Variants in SLC24A4 observed in about 807,000 individuals in gnomAD.
The protein encoded by SLC24A4 is solute carrier family 24 member 4.
Under a neutral mutation model 79.0 loss-of-function variants are expected in SLC24A4, and 53 were observed. The ratio of observed to expected loss-of-function variants is 0.67; its 90% confidence interval spans 0.54 to 0.84. The LOEUF (loss-of-function observed/expected upper bound fraction) is 0.84, where lower values mean the gene tolerates loss of function less well. Ranked by LOEUF, SLC24A4 falls within the 40% of genes least tolerant of loss-of-function variation. SLC24A4 has a pLI of 0.00. For synonymous variants in SLC24A4, 323 were observed against 323.8 expected, an observed-to-expected ratio of 1.00 and a Z score of 0.03; for missense variants, 731 against 822.0, an observed-to-expected ratio of 0.89 and a Z score of 1.35.
At chr14:92,481,683 C>G (rs1018461954) in intron 12 of SLC24A4, among the ~76,000 whole-genome samples, 8 of 152,200 alleles carry the variant, frequency 5.3e-5, no homozygotes, top group Non-Finnish European at 8.8e-5. Context: ...GTTCACTGTT[C>G]TTACTAAGGT....
intron 2 of SLC24A4, among the ~76,000 whole-genome samples, chr14:92,382,611 G>A (rs183615201): frequency 2.0e-5 from 3 of 152,304 alleles, no homozygotes; most frequent in East Asian, 1.9e-4. Flanking sequence ...AAGCAGAAGC[G>A]AAAGGAAGAA....
intron 12 of SLC24A4, among the ~76,000 whole-genome samples, chr14:92,465,742 C>A (rs762846278): frequency 3.4e-5 from 5 of 145,950 alleles, no homozygotes; most frequent in Non-Finnish European, 6.0e-5. Flanking sequence ...CCTAGGAAGG[C>A]CCCCTCCCGA....
In SLC24A4 at chr14:92,351,718, C is replaced by T. The variant is rs531209153; in HGVS notation, c.241+25740C>T. ...CTAAAAATACTGAAAAAAAAAATTA[C>T]CCAGGTGTGATGGCGCCCACCTGTA... On this transcript the variant is annotated intron_variant, in intron 2 of 16. Transcript: ENST00000532405. 9.9e-5 allele frequency among the ~76,000 whole-genome samples: 15 copies of T among 151,816 alleles called. No individual in the cohort carries two copies. The South Asian group carries it at 3.1e-3, about 32-fold the overall frequency.
At chr14:92,401,972 A>G (rs917678850) in intron 2 of SLC24A4, among the ~76,000 whole-genome samples, 2 of 152,162 alleles carry the variant, frequency 1.3e-5, no homozygotes, top group Non-Finnish European at 2.9e-5. Flanking sequence ...AAGAAATACG[A>G]GACAAACATA....
At chr14:92,472,625 CATATCTGTGAACATATATGTGCAT>C (rs1053964786) in intron 12 of SLC24A4, among the ~76,000 whole-genome samples, 2 of 152,096 alleles carry the variant, frequency 1.3e-5, no homozygotes, top group African/African-American at 4.8e-5. Context: ...TATATGTGCA[CATATCTGTGAACATATATGTGCAT>C]ATATGTACAC....
At chr14:92,473,974 C>G (rs1310528858) in intron 12 of SLC24A4, among the ~76,000 whole-genome samples, 1 of 152,166 alleles carries the variant, frequency 6.6e-6, no homozygotes, top group Non-Finnish European at 1.5e-5. Flanking sequence ...AATCAGAACT[C>G]CTGTACCCAG....
intron 2 of SLC24A4, among the ~76,000 whole-genome samples, chr14:92,355,144 A>C (rs1184544934): frequency 6.6e-6 from 1 of 152,158 alleles, no homozygotes; most frequent in Non-Finnish European, 1.5e-5. Flanking sequence ...GCCCTAGAGT[A>C]CTTGTTGGGG....
chr14:92,449,897 T>G (rs1435493270), intron 10 of SLC24A4, among the ~76,000 whole-genome samples: 1 of 152,194 alleles, frequency 6.6e-6, no homozygotes, highest in Non-Finnish European at 1.5e-5. Context: ...TCTTACTGAA[T>G]TCTCTGAATC....
Position 92,323,573 on chromosome 14 carries a change from T to C in SLC24A4, c.-258T>C, listed in dbSNP as rs1884919634. On this transcript the variant is annotated 5_prime_UTR_variant, in exon 1 of 17. Coordinates refer to ENST00000532405, the MANE Select transcript of SLC24A4 (RefSeq NM_153646.4). The surrounding 1 kb of genome is among the most constrained non-coding windows in gnomAD (Gnocchi z 4.9). Reference sequence around the variant, plus strand: ...CCAGCGCCACCGTGCCGGCGTCGCCTCCTCGCCACGGAGCCATGGTGCGCG... The same window carrying C: ...CCAGCGCCACCGTGCCGGCGTCGCCCCCTCGCCACGGAGCCATGGTGCGCG... The C allele has an allele frequency of 3.3e-6, 1 of 300,956 alleles. No homozygotes were observed. Among genetic ancestry groups the C allele is most frequent in the South Asian group, 1.6e-4 (1 of 6,244 alleles). The allele number at this position is 300,956 out of a possible 1,614,324, so 18.6% of individuals were successfully genotyped here. A position where few individuals can be genotyped will look rare whatever the true frequency, so the allele number is the denominator to read the frequency against.
At chr14:92,348,554 T>C (rs188986525) in intron 2 of SLC24A4, among the ~76,000 whole-genome samples, 2 of 152,294 alleles carry the variant, frequency 1.3e-5, no homozygotes, top group East Asian at 3.9e-4. Flanking sequence ...TGATTCCCAG[T>C]CCCTGGGGCC....
chr14:92,465,370 T>G (rs1352917469), intron 12 of SLC24A4, among the ~76,000 whole-genome samples: 1 of 152,208 alleles, frequency 6.6e-6, no homozygotes, highest in Non-Finnish European at 1.5e-5. Context: ...TGCGGTGAGA[T>G]GCAAAGCGGG....
At chr14:92,417,959 A>G (rs1262691698) in intron 2 of SLC24A4, among the ~76,000 whole-genome samples, 4 of 152,188 alleles carry the variant, frequency 2.6e-5, no homozygotes, top group Non-Finnish European at 4.4e-5. Flanking sequence ...ATTAAGTAAC[A>G]CACGACTACA....
intron 2 of SLC24A4, among the ~76,000 whole-genome samples, chr14:92,358,066 A>G (rs1887281860): frequency 6.6e-6 from 1 of 152,186 alleles, no homozygotes; most frequent in Non-Finnish European, 1.5e-5. Flanking sequence ...CTGCTTTGTC[A>G]TAAATTATGG....
At chr14:92,390,460 G>A (rs1338414524) in intron 2 of SLC24A4, among the ~76,000 whole-genome samples, 2 of 152,132 alleles carry the variant, frequency 1.3e-5, no homozygotes, top group Non-Finnish European at 2.9e-5. Flanking sequence ...CCTAGTTAAA[G>A]CATGGCTCTC....
chr14:92,456,240 G>A (rs1893452169), intron 11 of SLC24A4, among the ~76,000 whole-genome samples, 164 bp from the exon 12 acceptor site: 1 of 152,202 alleles, frequency 6.6e-6, no homozygotes, highest in Non-Finnish European at 1.5e-5. Flanking sequence ...ACCAAACATA[G>A]AAGGATTCCA....
chr14:92,422,695 G>T (rs960970106), intron 2 of SLC24A4, among the ~76,000 whole-genome samples: 6 of 152,200 alleles, frequency 3.9e-5, no homozygotes, highest in African/African-American at 1.4e-4. Context: ...AAAAGAAATG[G>T]GTTCCCTTAA....
At chr14:92,429,524 C>T (rs946140687) in intron 2 of SLC24A4, among the ~76,000 whole-genome samples, 2 of 152,174 alleles carry the variant, frequency 1.3e-5, no homozygotes, top group Non-Finnish European at 2.9e-5. Flanking sequence ...TTAATAATGG[C>T]CTAGACCTCT....
intron 2 of SLC24A4, among the ~76,000 whole-genome samples, chr14:92,341,127 G>A (rs548980810): frequency 1.3e-5 from 2 of 152,282 alleles, no homozygotes; most frequent in African/African-American, 2.4e-5. Flanking sequence ...AAGTGGCAGC[G>A]GCCCTGCCTT....
At chr14:92,435,833 T>A (rs1207790640) in intron 3 of SLC24A4, among the ~76,000 whole-genome samples, 1 of 152,214 alleles carries the variant, frequency 6.6e-6, no homozygotes, top group Non-Finnish European at 1.5e-5. Context: ...ATCTTTCTAG[T>A]TTCTCTGGCT....
Sources: gnomAD v4.1 joint callset for allele counts (sites outside exome capture counted in the v4.1 genomes callset) on GRCh38, gnomAD v4.1.1 for gene constraint, Gnocchi (gnomAD v3.1) non-coding constraint, MANE v1.5 for transcripts, NCBI Gene and HGNC (gene_info 2026-07-23, HGNC 2026-07-21) for gene names.